The following LINGO2 variants were observed in gnomAD, a reference collection of about 807,000 sequenced individuals.
The protein encoded by LINGO2 is leucine-rich repeat and immunoglobulin-like domain-containing nogo receptor-interacting protein 2.
Under a neutral mutation model 30.6 loss-of-function variants are expected in LINGO2, and 14 were observed. The observed-to-expected ratio is 0.46, with a 90% CI of 0.30 to 0.72. LINGO2 has a LOEUF of 0.72. Among genes scored for constraint, LINGO2 ranks in the 30% least tolerant of loss-of-function variants. The pLI, the probability that LINGO2 is intolerant of heterozygous loss-of-function variation, is 0.07. For missense variants in LINGO2, 729 were observed against 751.7 expected, an observed-to-expected ratio of 0.97 and a Z score of 0.35; for synonymous variants, 317 against 288.5, an observed-to-expected ratio of 1.10 and a Z score of -1.00.
intron 5 of LINGO2, among the ~76,000 whole-genome samples, chr9:27,962,644 T>C (rs1487323279): frequency 6.6e-6 from 1 of 152,182 alleles, no homozygotes; most frequent in East Asian, 1.9e-4. Flanking sequence ...GGAGGAATGT[T>C]GTGCTTTGTT....
intron 4 of LINGO2, among the ~76,000 whole-genome samples, chr9:28,149,648 GA>G (rs1289766436): frequency 6.6e-6 from 1 of 151,308 alleles, no homozygotes; most frequent in Non-Finnish European, 1.5e-5. Flanking sequence ...GCAAAGTGAG[GA>G]GTGCCTCTGC....
At chr9:28,702,515 T>C in the LINGO2 span, among the ~76,000 whole-genome samples, 1 of 151,928 alleles carries the variant, frequency 6.6e-6, no homozygotes, top group African/African-American at 2.4e-5. Context: ...ATTCTTTTTA[T>C]AAATTGCTGT....
intron 4 of LINGO2, among the ~76,000 whole-genome samples, chr9:28,159,321 TA>T (rs1172466003): frequency 1.3e-5 from 2 of 152,194 alleles, no homozygotes; most frequent in Non-Finnish European, 2.9e-5. Context: ...TAATATTAGT[TA>T]AAATCTCCTT....
chr9:29,182,041 C>A, the LINGO2 span, among the ~76,000 whole-genome samples: 1 of 151,906 alleles, frequency 6.6e-6, no homozygotes, highest in Non-Finnish European at 1.5e-5. Context: ...GCCCTGAGTG[C>A]GCCCACCTAT....
intron 2 of LINGO2, among the ~76,000 whole-genome samples, chr9:28,394,173 T>C (rs374081773): frequency 1.3e-5 from 2 of 152,140 alleles, no homozygotes; most frequent in East Asian, 3.9e-4. Flanking sequence ...GATTAACAGG[T>C]CCATACCAAA....
intron 4 of LINGO2, among the ~76,000 whole-genome samples, chr9:28,126,189 C>T (rs553784078): frequency 3.5e-4 from 54 of 152,166 alleles, no homozygotes; most frequent in Non-Finnish European, 6.0e-4. Flanking sequence ...ATTTTCATGA[C>T]GTGGCTTATA....
chr9:28,687,728 A>G, the LINGO2 span, among the ~76,000 whole-genome samples: 1 of 152,268 alleles, frequency 6.6e-6, no homozygotes, highest in East Asian at 1.9e-4. Flanking sequence ...ACAGTATGAA[A>G]AAGTCCTGAC....
At chr9:28,484,339 G>A (rs1826086859) in intron 1 of LINGO2, among the ~76,000 whole-genome samples, 1 of 152,038 alleles carries the variant, frequency 6.6e-6, no homozygotes, top group Non-Finnish European at 1.5e-5. Flanking sequence ...GGATAAATCT[G>A]TTTATATAGA....
At chr9:28,929,774 T>G in the LINGO2 span, among the ~76,000 whole-genome samples, 2 of 152,136 alleles carry the variant, frequency 1.3e-5, no homozygotes, top group African/African-American at 4.8e-5. Flanking sequence ...TGTGGAAATA[T>G]AAATACAAAA....
chr9:27,968,972 T>C (rs1820229844), intron 5 of LINGO2, among the ~76,000 whole-genome samples: 1 of 151,858 alleles, frequency 6.6e-6, no homozygotes, highest in Admixed American at 6.6e-5. Flanking sequence ...TTCTAGTTTA[T>C]TTATATTTTG....
intron 3 of LINGO2, among the ~76,000 whole-genome samples, chr9:28,299,108 T>C (rs901566546): frequency 6.6e-6 from 1 of 152,178 alleles, no homozygotes; most frequent in African/African-American, 2.4e-5. Context: ...AAGTTGTTTT[T>C]TATACGTTAT....
At chr9:28,771,815 G>C in the LINGO2 span, among the ~76,000 whole-genome samples, 1 of 152,036 alleles carries the variant, frequency 6.6e-6, no homozygotes. Flanking sequence ...TTAGAATTCA[G>C]AAATCTCCCT....
the LINGO2 span, among the ~76,000 whole-genome samples, chr9:29,071,482 CATATATATATATATAT>C: frequency 8.3e-5 from 10 of 120,878 alleles, no homozygotes; most frequent in East Asian, 4.7e-4. Context: ...ATTAACTGGT[CATATATATATATATAT>C]ATATATATAT....
At chr9:28,507,817 T>C (rs911773507) in intron 1 of LINGO2, among the ~76,000 whole-genome samples, 2 of 152,116 alleles carry the variant, frequency 1.3e-5, no homozygotes, top group African/African-American at 4.8e-5. Context: ...GTTTCTCATA[T>C]GTTATAATCA....
chr9:28,194,876 C>T (rs1205395961), intron 4 of LINGO2, among the ~76,000 whole-genome samples: 15 of 151,938 alleles, frequency 9.9e-5, no homozygotes. Flanking sequence ...CTAACAATTA[C>T]TCATTTCTAT....
chr9:29,190,253 G>A, the LINGO2 span, among the ~76,000 whole-genome samples: 3 of 152,022 alleles, frequency 2.0e-5, no homozygotes, highest in Admixed American at 6.6e-5. Context: ...CAGACAGATG[G>A]CCAAGATAAC....
the LINGO2 span, among the ~76,000 whole-genome samples, chr9:29,182,731 C>G: frequency 1.3e-5 from 2 of 150,952 alleles, no homozygotes; most frequent in African/African-American, 4.9e-5. Context: ...TTCCACTAAT[C>G]TAGTCTGTGA....
chr9:28,669,782 T>C (rs1828944879), intron 1 of LINGO2, among the ~76,000 whole-genome samples: 1 of 152,074 alleles, frequency 6.6e-6, no homozygotes, highest in Non-Finnish European at 1.5e-5. Flanking sequence ...TAAATTTATA[T>C]ACCTCTTAAA....
chr9:28,622,605 C>T (rs972146551), intron 1 of LINGO2, among the ~76,000 whole-genome samples: 1 of 152,048 alleles, frequency 6.6e-6, no homozygotes, highest in Non-Finnish European at 1.5e-5. Flanking sequence ...TGTTGATGGA[C>T]ACTTAGGTTG....
Sources: allele counts gnomAD v4.1 joint callset (sites outside exome capture counted in the v4.1 genomes callset), GRCh38; gene constraint gnomAD v4.1.1; transcripts MANE v1.5; gene names NCBI Gene and HGNC (gene_info 2026-07-23, HGNC 2026-07-21).